The following GALNT15 variants were observed in gnomAD, a reference collection of about 807,000 sequenced individuals.
GALNT15 encodes UDP-GalNAc transferase T15.
In GALNT15, 67 loss-of-function variants were observed where a neutral mutation model predicts 66.8. That is an observed-to-expected ratio of 1.00 (90% CI 0.82 to 1.23). The LOEUF (loss-of-function observed/expected upper bound fraction) is 1.23, where lower values mean the gene tolerates loss of function less well. GALNT15 is among the 50% of genes most tolerant of loss of function. The pLI, the probability that GALNT15 is intolerant of heterozygous loss-of-function variation, is 0.00. For missense variants in GALNT15, 827 were observed against 804.3 expected (o/e 1.03, Z -0.34); for synonymous variants, 313 against 311.5 (o/e 1.00, Z -0.05).
At chr3:16,208,009 C>G (rs1243017258) in intron 3 of GALNT15, among the ~76,000 whole-genome samples, 1 of 152,118 alleles carries the variant, frequency 6.6e-6, no homozygotes, top group African/African-American at 2.4e-5. Context: ...AGAGCTGAGC[C>G]TAGGACCCGT....
chr3:16,178,919 C>G (rs1182935730), intron 1 of GALNT15, among the ~76,000 whole-genome samples: 1 of 152,208 alleles, frequency 6.6e-6, no homozygotes, highest in African/African-American at 2.4e-5. Context: ...CTAAGCCAGA[C>G]AAGCCCCTCT....
chr3:16,185,058 T>C (rs148939130), intron 1 of GALNT15, among the ~76,000 whole-genome samples: 380 of 152,290 alleles, frequency 2.5e-3, no homozygotes, highest in African/African-American at 8.7e-3. Context: ...CAAGAGGATA[T>C]GGGCAGGGGC....
At chr3:16,245,402 T>A in the GALNT15 span, among the ~76,000 whole-genome samples, 9 of 152,340 alleles carry the variant, frequency 5.9e-5, no homozygotes, top group South Asian at 1.4e-3. Flanking sequence ...ACATGGCTGA[T>A]GCACATTCAG....
intron 1 of GALNT15, among the ~76,000 whole-genome samples, chr3:16,178,533 G>A (rs2063435707): frequency 1.3e-5 from 2 of 152,176 alleles, no homozygotes; most frequent in Admixed American, 6.5e-5. Context: ...GCCCCGGCTG[G>A]TGCGTGCGGC....
intron 6 of GALNT15, among the ~76,000 whole-genome samples, chr3:16,215,457 C>A (rs1316697247): frequency 6.6e-6 from 1 of 152,172 alleles, no homozygotes; most frequent in Admixed American, 6.5e-5. Context: ...TAGAACTAGT[C>A]CAACCTTTTA....
chr3:16,184,635 G>T lies in GALNT15; in HGVS notation c.539+8945G>T, dbSNP rs2124843538. On this transcript the variant is annotated intron_variant, in intron 1 of 9. Coordinates refer to ENST00000339732, the MANE Select transcript of GALNT15 (RefSeq NM_054110.5). The surrounding 1 kb of genome is among the most constrained non-coding windows in gnomAD (Gnocchi z 5.0). ...TAGGACATAAACTCCATGCTATTAG[G>T]GGCTATCTTAGTTTAGGTTTCCCCT... 6.6e-6 allele frequency among the ~76,000 whole-genome samples: 1 copy of T among 152,274 alleles called. No individual in the cohort carries two copies. Among genetic ancestry groups the T allele is most frequent in the South Asian group, 2.1e-4 (1 of 4,826 alleles).
chr3:16,204,757 G>A lies in GALNT15; in HGVS notation c.912-3746G>A, dbSNP rs960132883. On this transcript the variant is annotated intron_variant, in intron 3 of 9. Coordinates refer to ENST00000339732, the MANE Select transcript of GALNT15 (RefSeq NM_054110.5). This position sits in a 1 kb window ranked among gnomAD's most constrained non-coding sequence, Gnocchi z 4.5. ...TCTGGTCCCTATCTGCGAGACATCC[G>A]GTCCTTCAGGATCAGCCAGGGGTGC... 2.0e-5 allele frequency among the ~76,000 whole-genome samples: 3 copies of A among 152,218 alleles called. No individual in the cohort carries two copies. Among genetic ancestry groups the A allele is most frequent in the Admixed American group, 6.5e-5 (1 of 15,282 alleles).
Position 16,200,562 on chromosome 3 carries a change from C to A in GALNT15, c.707-57C>A. ...GAGTTGCTGACGATTGTCTTAGTCA[C>A]AATCTCATCGGTTGTGGCATTTGTC... is the stretch of plus-strand genomic sequence containing the variant. On this transcript the variant is annotated intron_variant, in intron 2 of 9. Coordinates refer to ENST00000339732, the MANE Select transcript of GALNT15 (RefSeq NM_054110.5). The surrounding 1 kb of genome is among the most constrained non-coding windows in gnomAD (Gnocchi z 4.4). 7.3e-7 allele frequency: 1 copy of A among 1,368,638 alleles called. No homozygotes were observed. The highest frequency in any genetic ancestry group is 9.8e-7 in the Non-Finnish European group (1 of 1,019,062). The allele number at this position is 1,368,638 out of a possible 1,614,324, so 84.8% of individuals were successfully genotyped here.
In GALNT15 at chr3:16,208,673, G is replaced by T; in HGVS notation, c.1079+3G>T. ...CAGTCCCCCATAAGCCCCATCAGGT[G>T]AGTCCCCATTTCACACCTGCTTTGC... is the stretch of plus-strand genomic sequence containing the variant. On this transcript the variant is annotated splice_donor_region_variant and intron_variant, in intron 4 of 9. Coordinates refer to ENST00000339732, the MANE Select transcript of GALNT15 (RefSeq NM_054110.5). 2 of 1,613,184 alleles carry T rather than the reference G, an allele frequency of 1.2e-6. No individual in the cohort carries two copies. The highest frequency in any genetic ancestry group is 1.7e-6 in the Non-Finnish European group (2 of 1,179,554).
chr3:16,206,361 G>A (rs1250593848), intron 3 of GALNT15, among the ~76,000 whole-genome samples: 5 of 148,718 alleles, frequency 3.4e-5, no homozygotes, highest in African/African-American at 1.2e-4. Flanking sequence ...CAGTCTGGGC[G>A]ACAGAGTGAG....
At position 16,183,397 on chromosome 3, in the gene GALNT15, A is replaced by G. The variant is rs1312432678; in HGVS notation, c.539+7707A>G. On this transcript the variant is annotated intron_variant, in intron 1 of 9. Transcript: ENST00000339732. This position sits in a 1 kb window ranked among gnomAD's most constrained non-coding sequence, Gnocchi z 5.2. Reference sequence around the variant, plus strand: ...GAAGTTGGTATGGTGTTCCCAAGATAAGTGCCACCAATTACAGGCAAGCTA... The same window carrying G: ...GAAGTTGGTATGGTGTTCCCAAGATGAGTGCCACCAATTACAGGCAAGCTA... 1 of 152,232 alleles carries G rather than the reference A, an allele frequency of 6.6e-6. No homozygotes were observed. The highest frequency in any genetic ancestry group is 1.5e-5 in the Non-Finnish European group (1 of 68,052). 9.4% of individuals were successfully genotyped at this position (152,232 alleles called of 1,614,324 possible). A position where few individuals can be genotyped will look rare whatever the true frequency, so the allele number is the denominator to read the frequency against.
chr3:16,218,810 CTTTTT>C (rs10538222), intron 6 of GALNT15, among the ~76,000 whole-genome samples: 2 of 92,916 alleles, frequency 2.2e-5, no homozygotes, highest in Non-Finnish European at 2.0e-5. Context: ...CTCTCTCTCT[CTTTTT>C]TTTTTTTTTT....
chr3:16,227,794 TAAC>T lies in GALNT15; in HGVS notation c.*297_*299del. Reference sequence around the variant, plus strand: ...TCTTTGTTTTTCTCCACTGAGCACTTAACAATTGCTTTCTCTCTGGCCTGGACA... The same window carrying T: ...TCTTTGTTTTTCTCCACTGAGCACTTAATTGCTTTCTCTCTGGCCTGGACA... On this transcript the variant is annotated 3_prime_UTR_variant, in exon 10 of 10. Coordinates refer to ENST00000339732, the MANE Select transcript of GALNT15 (RefSeq NM_054110.5). This position sits in a 1 kb window ranked among gnomAD's most constrained non-coding sequence, Gnocchi z 4.5. 3 of 1,149,820 alleles carry T rather than the reference TAAC, an allele frequency of 2.6e-6. No homozygotes were observed. The highest frequency in any genetic ancestry group is 3.2e-6 in the Non-Finnish European group (3 of 934,212). The allele number at this position is 1,149,820 out of a possible 1,614,324, so 71.2% of individuals were successfully genotyped here.
the GALNT15 span, among the ~76,000 whole-genome samples, chr3:16,238,453 A>G: frequency 1.3e-5 from 2 of 151,322 alleles, no homozygotes; most frequent in African/African-American, 4.9e-5. This position sits in a 1 kb window ranked among gnomAD's most constrained non-coding sequence, Gnocchi z 4.8. Context: ...CAATATTAAC[A>G]ACATTAATAT....
the GALNT15 span, among the ~76,000 whole-genome samples, chr3:16,246,334 T>G: frequency 6.9e-6 from 1 of 145,902 alleles, no homozygotes; most frequent in East Asian, 2.0e-4. Context: ...TTTTTTTTTT[T>G]TTTTTTTTTT....
intron 8 of GALNT15, 57 bp downstream of exon 8, chr3:16,220,071 G>A (rs1352901767): frequency 2.0e-5 from 27 of 1,356,910 alleles, no homozygotes; most frequent in South Asian, 8.2e-5. Context: ...GAAAGTGGGC[G>A]ATATTTTTCT....
rs1298271069 is a variant in GALNT15 at position 16,175,610 on chromosome 3, C to A, written c.459C>A (p.Ser153Arg). 6.2e-7 allele frequency: 1 copy of A among 1,613,422 alleles called. No homozygotes were observed. Residue 153 changes from serine to arginine, a missense_variant, in exon 1 of 10, where the codon AGC becomes AGA. Ser to Arg is a moderately radical substitution (Grantham distance 110). Transcript: ENST00000339732. This position sits in a 1 kb window ranked among gnomAD's most constrained non-coding sequence, Gnocchi z 5.6. ...AAGAAGAGGAGTTGACCCCGTTCAG[C>A]CTGGACCCACGTGGCCTCCAGGAGG... ...VSEEEELTPF[S>R]LDPRGLQEAL...
chr3:16,246,227 A>C, the GALNT15 span, among the ~76,000 whole-genome samples: 1 of 151,926 alleles, frequency 6.6e-6, no homozygotes, highest in Non-Finnish European at 1.5e-5. Flanking sequence ...CTCCACTCAG[A>C]GCACACTGGC....
rs2063738788 is a variant in GALNT15 at position 16,204,671 on chromosome 3, G to C, written c.912-3832G>C. Among the ~76,000 whole-genome samples, 1 of 152,156 alleles carries C rather than the reference G, an allele frequency of 6.6e-6. No individual in the cohort carries two copies. Among genetic ancestry groups the C allele is most frequent in the Non-Finnish European group, 1.5e-5 (1 of 68,030 alleles). ...TAAGGGGAAAGGGACAGTCTTGAAA[G>C]GGGCTGAAAGATGATATCATCTCAA... On this transcript the variant is annotated intron_variant, in intron 3 of 9. Transcript: ENST00000339732. The surrounding 1 kb of genome is among the most constrained non-coding windows in gnomAD (Gnocchi z 4.5).
Sources: gnomAD v4.1 joint callset for allele counts (sites outside exome capture counted in the v4.1 genomes callset) on GRCh38, gnomAD v4.1.1 for gene constraint, Gnocchi (gnomAD v3.1) non-coding constraint, MANE v1.5 for transcripts, NCBI Gene and HGNC (gene_info 2026-07-23, HGNC 2026-07-21) for gene names.